Variants in MMS22L observed in about 807,000 individuals in gnomAD.
The protein encoded by MMS22L is protein MMS22-like.
MMS22L carries 74 observed loss-of-function variants against 159.1 expected under a neutral mutation model. The ratio of observed to expected loss-of-function variants is 0.47; its 90% CI spans 0.39 to 0.56. The LOEUF is 0.56. Ranked by LOEUF, MMS22L falls within the 20% of genes least tolerant of loss-of-function variation. MMS22L has a pLI of 0.00. For synonymous variants in MMS22L, 517 were observed against 506.9 expected, an observed-to-expected ratio of 1.02 and a Z score of -0.27; for missense variants, 1,351 against 1,422.1, an observed-to-expected ratio of 0.95 and a Z score of 0.80.
rs1800875202 is a variant in MMS22L, at chr6:97,145,109, TTAAA to T, written c.*1693_*1696del. The T allele has an allele frequency of 6.8e-6, 1 of 146,766 alleles. No homozygotes were observed. The highest frequency in any genetic ancestry group is 2.6e-5 in the African/African-American group (1 of 39,124). The allele number at this position is 146,766 out of a possible 1,614,324, so 9.1% of individuals were successfully genotyped here. A position where few individuals can be genotyped will look rare whatever the true frequency, so the allele number is the denominator to read the frequency against. On this transcript the variant is annotated 3_prime_UTR_variant, in exon 25 of 25. Coordinates refer to ENST00000683635, the MANE Select transcript of MMS22L (RefSeq NM_001350599.2). ...AAATAACCTCTTTAAAGGCATCACC[TTAAA>T]TAGATAAAACTCCTTAGTGACTGCT...
Position 97,229,322 on chromosome 6 carries a change from C to T in MMS22L, c.1611G>A (p.Leu537=), listed in dbSNP as rs1482578753. The T allele has an allele frequency of 1.9e-6, 3 of 1,613,472 alleles. No individual in the cohort carries two copies. The highest frequency in any genetic ancestry group is 2.5e-6 in the Non-Finnish European group (3 of 1,179,866). The change falls in exon 14 of 25, where the codon CTG becomes CTA. Residue 537 remains leucine (L), a synonymous_variant. Coordinates refer to ENST00000683635, the MANE Select transcript of MMS22L (RefSeq NM_001350599.2). ...GLQNFFSLFL[L]LAAVAEVEDV... is the part of the protein sequence containing the mutation. ...CTTCTACCTCTGCAACAGCTGCTAA[C>T]AGTAGAAAAAGGCTAAAAAAGTTCT...
At chr6:97,269,533 T>C (rs1051928517) in intron 7 of MMS22L, among the ~76,000 whole-genome samples, 5 of 152,166 alleles carry the variant, frequency 3.3e-5, no homozygotes, top group African/African-American at 1.2e-4. Context: ...AGTAGAACCA[T>C]AACATGCAGC....
chr6:97,152,842 T>TC (rs1801455995), intron 22 of MMS22L, among the ~76,000 whole-genome samples: 1 of 150,240 alleles, frequency 6.7e-6, no homozygotes, highest in Non-Finnish European at 1.5e-5. Context: ...GTATTTTCTT[T>TC]TTTTTTTTTT....
chr6:97,166,496 T>C lies in MMS22L; in HGVS notation c.3010-1039A>G, dbSNP rs755231199. Among the ~76,000 whole-genome samples the C allele has an allele frequency of 1.1e-4, 16 of 152,066 alleles. No homozygotes were observed. In the South Asian group the frequency reaches 2.3e-3, roughly 22 times the overall value. ...GTTAAAACTGTACCAAATAAACAAC[T>C]GAAAAAAATCAAACAATGAACCCCT... On this transcript the variant is annotated intron_variant, in intron 20 of 24. Transcript: ENST00000683635.
intron 24 of MMS22L, among the ~76,000 whole-genome samples, chr6:97,148,532 A>C (rs771673402): frequency 9.2e-5 from 14 of 151,800 alleles, no homozygotes; most frequent in Non-Finnish European, 1.6e-4. Context: ...GGCTCAGGCT[A>C]ATGCGTGTGT....
At chr6:97,256,156 T>G (rs1057058399) in intron 9 of MMS22L, among the ~76,000 whole-genome samples, 1 of 152,108 alleles carries the variant, frequency 6.6e-6, no homozygotes, top group East Asian at 1.9e-4. Flanking sequence ...ATATTAATTT[T>G]TTCCCCCTCT....
intron 14 of MMS22L, among the ~76,000 whole-genome samples, chr6:97,214,778 G>A (rs569504142): frequency 1.8e-3 from 259 of 145,928 alleles, no homozygotes; most frequent in African/African-American, 6.4e-3. Flanking sequence ...TGCAGCATAA[G>A]CCACATAATC....
intron 13 of MMS22L, chr6:97,230,870 A>G (rs1245872469): frequency 6.5e-6 from 1 of 153,112 alleles, no homozygotes; most frequent in Non-Finnish European, 1.5e-5. Context: ...AGAAGTCCCT[A>G]CCTAGTATTC....
Position 97,145,022 on chromosome 6 carries a change from A to ACCCCCCCC in MMS22L, c.*1783_*1784insGGGGGGGG, listed in dbSNP as rs1460604444. 3 of 103,280 alleles carry ACCCCCCCC rather than the reference A, an allele frequency of 2.9e-5. 1 individual carries two copies. The highest frequency in any genetic ancestry group is 5.7e-5 in the Non-Finnish European group (3 of 52,846). 6.4% of individuals were successfully genotyped at this position (103,280 alleles called of 1,614,324 possible). On this transcript the variant is annotated 3_prime_UTR_variant, in exon 25 of 25. Transcript: ENST00000683635. ...TATCAATCTCCTTTGGAAAAAAAAA[A>ACCCCCCCC]CCCACACACACACACACACACACAC... is the stretch of plus-strand genomic sequence containing the variant.
chr6:97,228,956 T>C lies in MMS22L; in HGVS notation c.1977A>G (p.Ala659=), dbSNP rs144156374. Residue 659 remains alanine, a synonymous_variant, in exon 14 of 25, where the codon GCA becomes GCG. Transcript: ENST00000683635. ...CTGTCCTAAGTTCAGATTCTCGACA[T>C]GCTCGCAGAAGCATACTAAATCCAT... ...LNDGFSMLLR[A]CRESELRTVL... 228 of 1,614,020 alleles carry C rather than the reference T, an allele frequency of 1.4e-4. 1 individual carries two copies. The highest frequency in any genetic ancestry group is 1.7e-4 in the Non-Finnish European group (204 of 1,180,014).
At chr6:97,190,982 T>C (rs1290606406) in intron 14 of MMS22L, among the ~76,000 whole-genome samples, 5 of 152,236 alleles carry the variant, frequency 3.3e-5, no homozygotes, top group Admixed American at 3.3e-4. Context: ...TCAGTTACCC[T>C]GCCTCCTTTA....
chr6:97,146,884 T>C lies in MMS22L; in HGVS notation c.3654A>G (p.Glu1218=), dbSNP rs757394386. The C allele has an allele frequency of 1.0e-5, 16 of 1,547,570 alleles. No individual in the cohort carries two copies. In the East Asian group the frequency reaches 2.9e-4, roughly 28 times the overall value. ...GGTGAGACAAAAGTTTGCTATAGGC[T>C]TCCCTGTTTAAGAAAAAAGAAAAGA... ...WGLGRNIAQR[E]AYSKLLSHLG... Residue 1218 remains glutamate, a synonymous_variant, in exon 25 of 25, where the codon GAA becomes GAG. Transcript: ENST00000683635.
At chr6:97,211,014 T>C (rs1445336323) in intron 14 of MMS22L, among the ~76,000 whole-genome samples, 1 of 151,974 alleles carries the variant, frequency 6.6e-6, no homozygotes, top group Non-Finnish European at 1.5e-5. Context: ...ATAGTATAAA[T>C]GCTTTCTACT....
At chr6:97,269,088 T>G (rs543674684) in intron 7 of MMS22L, among the ~76,000 whole-genome samples, 3 of 151,806 alleles carry the variant, frequency 2.0e-5, no homozygotes, top group Non-Finnish European at 4.4e-5. Context: ...ATGTATAAAC[T>G]CCTACTAAAA....
Position 97,254,417 on chromosome 6 carries a change from C to T in MMS22L, c.1119+140G>A. 3 of 640,274 alleles carry T rather than the reference C, an allele frequency of 4.7e-6. No homozygotes were observed. The South Asian group carries it at 6.8e-5, about 14-fold the overall frequency. The allele number at this position is 640,274 out of a possible 1,614,324, so 39.7% of individuals were successfully genotyped here. ...ACTTTATAATTTTTCAAGATGTTTA[C>T]AGAAACATTATACATAAATAATTTA... is the stretch of plus-strand genomic sequence containing the variant. On this transcript the variant is annotated intron_variant, in intron 10 of 24. Transcript: ENST00000683635.
intron 8 of MMS22L, 73 bp from the exon 9 acceptor site, chr6:97,263,521 AC>A: frequency 1.2e-5 from 8 of 659,612 alleles, no homozygotes; most frequent in Non-Finnish European, 2.0e-5. Flanking sequence ...TCTTTCAAAT[AC>A]TTTTAAAAGA....
At position 97,146,446 on chromosome 6, in the gene MMS22L, C is replaced by G. The variant is rs536456812; in HGVS notation, c.*360G>C. The G allele has an allele frequency of 4.1e-4, 65 of 157,374 alleles. No homozygotes were observed. Among genetic ancestry groups the G allele is most frequent in the Non-Finnish European group, 7.7e-4 (55 of 71,688 alleles). The allele number at this position is 157,374 out of a possible 1,614,324, so 9.7% of individuals were successfully genotyped here. On this transcript the variant is annotated 3_prime_UTR_variant, in exon 25 of 25. Coordinates refer to ENST00000683635, the MANE Select transcript of MMS22L (RefSeq NM_001350599.2). ...AAAATAAAAAATAAACATGACAAAT[C>G]AGTCACAAGGCAGGGAGGCAGGAAG...
At chr6:97,274,724 C>T (rs1816088603) in intron 4 of MMS22L, among the ~76,000 whole-genome samples, 1 of 152,058 alleles carries the variant, frequency 6.6e-6, no homozygotes, top group African/African-American at 2.4e-5. Context: ...AAGAAAGAAG[C>T]TATACAAAAT....
intron 8 of MMS22L, chr6:97,264,284 A>G (rs184722085): frequency 6.6e-6 from 1 of 152,210 alleles, no homozygotes; most frequent in Non-Finnish European, 1.5e-5. Context: ...GATTCACTGT[A>G]AACAGAGTAA....
Sources: allele counts gnomAD v4.1 joint callset (sites outside exome capture counted in the v4.1 genomes callset), GRCh38; gene constraint gnomAD v4.1.1; transcripts MANE v1.5; gene names NCBI Gene and HGNC (gene_info 2026-07-23, HGNC 2026-07-21).